LURAP1L: variants seen among roughly 807,000 people sequenced by gnomAD.
LURAP1L encodes the protein leucine rich adaptor protein 1-like.
In LURAP1L, 12 loss-of-function variants were observed where a neutral mutation model predicts 13.8. The observed-to-expected ratio is 0.87, with a 90% confidence interval of 0.56 to 1.41. The LOEUF (loss-of-function observed/expected upper bound fraction) is 1.41, where lower values mean the gene tolerates loss of function less well. LURAP1L is among the 40% of genes most tolerant of loss of function. The pLI is 0.00. For synonymous variants in LURAP1L, 139 were observed against 119.2 expected, an observed-to-expected ratio of 1.17 and a Z score of -1.08; for missense variants, 375 against 292.9, an observed-to-expected ratio of 1.28 and a Z score of -2.04.
intron 1 of LURAP1L, among the ~76,000 whole-genome samples, chr9:12,781,797 T>C (rs1819275287): frequency 6.6e-6 from 1 of 152,220 alleles, no homozygotes; most frequent in African/African-American, 2.4e-5. Context: ...CTGGATTATA[T>C]ATTAGTTCTA....
intron 1 of LURAP1L, among the ~76,000 whole-genome samples, chr9:12,816,555 G>A (rs1166327658): frequency 1.3e-5 from 2 of 152,106 alleles, no homozygotes; most frequent in Admixed American, 6.5e-5. Flanking sequence ...ATTCCATTGT[G>A]CCAATGCATA....
At chr9:12,820,016 C>T (rs1258166540) in intron 1 of LURAP1L, among the ~76,000 whole-genome samples, 1 of 152,114 alleles carries the variant, frequency 6.6e-6, no homozygotes, top group Non-Finnish European at 1.5e-5. Flanking sequence ...CAAACATGGT[C>T]CTGCCAGGCT....
Position 12,822,051 on chromosome 9 carries a change from T to C in LURAP1L, c.*291T>C, listed in dbSNP as rs1819889005. The C allele has an allele frequency of 1.1e-5, 3 of 284,348 alleles. No homozygotes were observed. The highest frequency in any genetic ancestry group is 4.7e-5 in the Admixed American group (1 of 21,140). The allele number at this position is 284,348 out of a possible 1,614,324, so 17.6% of individuals were successfully genotyped here. On this transcript the variant is annotated 3_prime_UTR_variant, in exon 2 of 2. Transcript: ENST00000319264. The stretch of plus-strand genomic sequence containing the variant: ...ATAAGCAATAATTATGTTTTTGCTT[T>C]TGTTTTCAGAGCAATGGGTCAGGGA...
intron 1 of LURAP1L, among the ~76,000 whole-genome samples, chr9:12,808,880 C>T (rs553651347): frequency 6.6e-6 from 1 of 152,162 alleles, no homozygotes; most frequent in South Asian, 2.1e-4. Flanking sequence ...ATTTGCATTG[C>T]TATAAAGGAA....
chr9:12,822,770 A>G lies in LURAP1L; in HGVS notation c.*1010A>G, dbSNP rs1402984967. Among the ~76,000 whole-genome samples, 2 of 152,172 alleles carry G rather than the reference A, an allele frequency of 1.3e-5. No individual in the cohort carries two copies. Among genetic ancestry groups the G allele is most frequent in the African/African-American group, 4.8e-5 (2 of 41,454 alleles). ...GAAATGGAATATTTAACGCACATAGACAGTGGATATTTACTTTAAATATAA... is the reference window on the plus strand; with the variant it reads ...GAAATGGAATATTTAACGCACATAGGCAGTGGATATTTACTTTAAATATAA... On this transcript the variant is annotated 3_prime_UTR_variant, in exon 2 of 2. Coordinates refer to ENST00000319264, the MANE Select transcript of LURAP1L (RefSeq NM_203403.2).
chr9:12,785,795 T>TATTAG (rs1819342210), intron 1 of LURAP1L, among the ~76,000 whole-genome samples: 2 of 152,298 alleles, frequency 1.3e-5, no homozygotes, highest in South Asian at 4.1e-4. Context: ...CTTCAGTGCC[T>TATTAG]TCTTCCTTGA....
chr9:12,798,658 C>T (rs942907942), intron 1 of LURAP1L, among the ~76,000 whole-genome samples: 2 of 152,116 alleles, frequency 1.3e-5, no homozygotes, highest in Non-Finnish European at 2.9e-5. Flanking sequence ...CAAATTTATG[C>T]TAATCTGTGG....
rs7869784 is a variant in LURAP1L at position 12,813,059 on chromosome 9, T to C, written c.313-8327T>C. Among the ~76,000 whole-genome samples the C allele has an allele frequency of 5.7e-3, 869 of 152,194 alleles. 10 individuals are homozygous for C. The highest frequency in any genetic ancestry group is 0.02 in the African/African-American group (846 of 41,548). Reference sequence around the variant, plus strand: ...ATTACGTCTAGAAAAATAAAAGCCCTAAGGGGTAAAATGCAAGTCTCTAAT... The same window carrying C: ...ATTACGTCTAGAAAAATAAAAGCCCCAAGGGGTAAAATGCAAGTCTCTAAT... On this transcript the variant is annotated intron_variant, in intron 1 of 1. Transcript: ENST00000319264.
rs1819877707 is a variant in LURAP1L, at chr9:12,821,368, TTC to T, written c.313-12_313-11del. The T allele has an allele frequency of 1.3e-6, 2 of 1,597,574 alleles. No homozygotes were observed. ...GTGTAAAATGGCTGGAATATCTTTC[TTC>T]TCTCTTTGTCCATAGGTTAACCTCA... On this transcript the variant is annotated splice_polypyrimidine_tract_variant and intron_variant, in intron 1 of 1. Transcript: ENST00000319264.
At chr9:12,820,204 A>G (rs1819854543) in intron 1 of LURAP1L, among the ~76,000 whole-genome samples, 1 of 152,038 alleles carries the variant, frequency 6.6e-6, no homozygotes, top group Non-Finnish European at 1.5e-5. Flanking sequence ...ACTTAGAGCT[A>G]TCAGAAGGAC....
At chr9:12,815,146 T>G (rs1819787173) in intron 1 of LURAP1L, among the ~76,000 whole-genome samples, 2 of 152,180 alleles carry the variant, frequency 1.3e-5, no homozygotes, top group Non-Finnish European at 2.9e-5. Context: ...GTATAGATAT[T>G]GAAAACACTG....
intron 1 of LURAP1L, among the ~76,000 whole-genome samples, chr9:12,779,052 C>T (rs1046315198): frequency 6.6e-6 from 1 of 152,064 alleles, no homozygotes; most frequent in African/African-American, 2.4e-5. Flanking sequence ...CAGTGTATTG[C>T]TATGTGAATG....
intron 1 of LURAP1L, among the ~76,000 whole-genome samples, chr9:12,820,480 A>C (rs539749546): frequency 7.4e-4 from 94 of 126,284 alleles, no homozygotes; most frequent in African/African-American, 2.8e-3. Flanking sequence ...TCCAGCCTGG[A>C]CGACAGATCG....
At position 12,821,856 on chromosome 9, in the gene LURAP1L, T is replaced by C. The variant is rs1819886539; in HGVS notation, c.*96T>C. The C allele has an allele frequency of 1.4e-6, 2 of 1,439,858 alleles. No homozygotes were observed. The highest frequency in any genetic ancestry group is 4.6e-5 in the East Asian group (2 of 43,706). 89.2% of individuals were successfully genotyped at this position (1,439,858 alleles called of 1,614,324 possible). A position where few individuals can be genotyped will look rare whatever the true frequency, so the allele number is the denominator to read the frequency against. On this transcript the variant is annotated 3_prime_UTR_variant, in exon 2 of 2. Transcript: ENST00000319264. ...TGGTGTGATTTTTATTTTAATAAGA[T>C]GACCTTTTTAAAAGAAGCTGATTTT...
chr9:12,793,712 T>G (rs188928180), intron 1 of LURAP1L, among the ~76,000 whole-genome samples: 19 of 152,162 alleles, frequency 1.2e-4, no homozygotes, highest in Non-Finnish European at 2.2e-4. Context: ...AGTGAAAAGC[T>G]GCTTCAAATG....
At chr9:12,800,008 A>G (rs1193174463) in intron 1 of LURAP1L, among the ~76,000 whole-genome samples, 1 of 152,186 alleles carries the variant, frequency 6.6e-6, no homozygotes, top group African/African-American at 2.4e-5. Flanking sequence ...ATTATCTCAC[A>G]TAGTTAACTT....
chr9:12,812,063 G>T (rs954952281), intron 1 of LURAP1L, among the ~76,000 whole-genome samples: 2 of 152,176 alleles, frequency 1.3e-5, no homozygotes, highest in African/African-American at 4.8e-5. Flanking sequence ...TTCATTCAGA[G>T]CAAGCATTTG....
At chr9:12,780,949 ACT>A (rs990890397) in intron 1 of LURAP1L, among the ~76,000 whole-genome samples, 1 of 151,964 alleles carries the variant, frequency 6.6e-6, no homozygotes, top group Admixed American at 6.6e-5. Flanking sequence ...TTCCAAATAT[ACT>A]CTTTTAGTTA....
chr9:12,818,182 A>C (rs552655007), intron 1 of LURAP1L, among the ~76,000 whole-genome samples: 4 of 152,158 alleles, frequency 2.6e-5, no homozygotes, highest in African/African-American at 9.6e-5. Context: ...TTTCATGGTC[A>C]AAGGAAGCTT....
Sources: allele counts gnomAD v4.1 joint callset (sites outside exome capture counted in the v4.1 genomes callset), GRCh38; gene constraint gnomAD v4.1.1; transcripts MANE v1.5; gene names NCBI Gene and HGNC (gene_info 2026-07-23, HGNC 2026-07-21).